Variants in MAP3K13 observed in about 807,000 individuals in gnomAD.
The protein encoded by MAP3K13 is leucine zipper-bearing kinase.
Under a neutral mutation model 104.0 loss-of-function variants are expected in MAP3K13, and 52 were observed. The ratio of observed to expected loss-of-function variants is 0.50; its 90% confidence interval spans 0.40 to 0.63. MAP3K13 has a LOEUF of 0.63. Ranked by LOEUF, MAP3K13 falls within the 20% of genes least tolerant of loss-of-function variation. MAP3K13 has a pLI of 0.00. For synonymous variants in MAP3K13, 394 were observed against 442.2 expected (o/e 0.89, Z 1.37); for missense variants, 914 against 1,218.5 (o/e 0.75, Z 3.72).
intron 1 of MAP3K13, among the ~76,000 whole-genome samples, chr3:185,385,848 C>T (rs1395856375): frequency 6.6e-6 from 1 of 151,986 alleles, no homozygotes; most frequent in Non-Finnish European, 1.5e-5. Flanking sequence ...ACTAGAAATA[C>T]AGAAATTAGC....
intron 2 of MAP3K13, among the ~76,000 whole-genome samples, chr3:185,295,236 T>G (rs916025362): frequency 1.3e-5 from 2 of 152,148 alleles, no homozygotes; most frequent in Admixed American, 1.3e-4. Flanking sequence ...GACGGAGTTT[T>G]GCTCTGTCGC....
chr3:185,330,314 C>T (rs565961583), intron 2 of MAP3K13, among the ~76,000 whole-genome samples: 1 of 152,054 alleles, frequency 6.6e-6, no homozygotes, highest in African/African-American at 2.4e-5. Flanking sequence ...GTCTGTTTCT[C>T]TATCCTGCTT....
chr3:185,435,455 T>C (rs1714980902), intron 2 of MAP3K13, among the ~76,000 whole-genome samples: 1 of 152,244 alleles, frequency 6.6e-6, no homozygotes, highest in Non-Finnish European at 1.5e-5. Context: ...ATACTTGTCC[T>C]CTATAGAAAC....
chr3:185,480,651 T>A, intron 13 of MAP3K13, 122 bp downstream of exon 13: 1 of 1,019,564 alleles, frequency 9.8e-7, no homozygotes, highest in Non-Finnish European at 1.4e-6. Context: ...TGTATTAGTC[T>A]GTTTTCACAC....
intron 8 of MAP3K13, among the ~76,000 whole-genome samples, chr3:185,464,392 C>T (rs964073227): frequency 7.9e-5 from 12 of 152,162 alleles, no homozygotes; most frequent in Non-Finnish European, 8.8e-5. Context: ...CCATAATCCC[C>T]ATGTGTCAAG....
At chr3:185,368,426 C>T (rs1723993886) in intron 1 of MAP3K13, among the ~76,000 whole-genome samples, 1 of 152,118 alleles carries the variant, frequency 6.6e-6, no homozygotes, top group Admixed American at 6.5e-5. Context: ...TGTAGCACTG[C>T]TCTGGAATGG....
intron 2 of MAP3K13, among the ~76,000 whole-genome samples, chr3:185,321,899 C>T (rs561186595): frequency 5.3e-5 from 8 of 152,338 alleles, no homozygotes; most frequent in African/African-American, 1.7e-4. Context: ...CCACCACGCC[C>T]GGCCGTGACT....
intron 10 of MAP3K13, among the ~76,000 whole-genome samples, chr3:185,468,508 T>A (rs1560129487): frequency 6.6e-6 from 1 of 152,184 alleles, no homozygotes; most frequent in African/African-American, 2.4e-5. Context: ...GTTGGCTCTC[T>A]CCTAGCTAAG....
chr3:185,468,475 G>A (rs1717587791), intron 10 of MAP3K13, among the ~76,000 whole-genome samples: 1 of 152,080 alleles, frequency 6.6e-6, no homozygotes, highest in South Asian at 2.1e-4. Flanking sequence ...ACTCTGTAGA[G>A]ACTCATTCCT....
Position 185,455,911 on chromosome 3 carries a change from G to T in MAP3K13, c.1278+4516G>T, listed in dbSNP as rs988690202. The stretch of plus-strand genomic sequence containing the variant: ...ATATAGATGAGATATATATGATATA[G>T]ATGAGATATATATGATGTATATATG... On this transcript the variant is annotated intron_variant, in intron 7 of 13. Coordinates refer to ENST00000265026, the MANE Select transcript of MAP3K13 (RefSeq NM_004721.5). Among the ~76,000 whole-genome samples, 152 of 133,314 alleles carry T rather than the reference G, an allele frequency of 1.1e-3. 1 individual carries two copies. Among genetic ancestry groups the T allele is most frequent in the Middle Eastern group, 4.0e-3 (1 of 248 alleles). The allele number at this position is 133,314 out of a possible 152,430, so 87.5% of individuals were successfully genotyped here. A position where few individuals can be genotyped will look rare whatever the true frequency, so the allele number is the denominator to read the frequency against.
chr3:185,416,459 T>C (rs1713776553), intron 1 of MAP3K13, among the ~76,000 whole-genome samples: 1 of 151,930 alleles, frequency 6.6e-6, no homozygotes, highest in African/African-American at 2.4e-5. Flanking sequence ...CTACTAATTA[T>C]AGATGACAAA....
At chr3:185,283,417 T>C (rs986607690) in intron 1 of MAP3K13, among the ~76,000 whole-genome samples, 1 of 152,140 alleles carries the variant, frequency 6.6e-6, no homozygotes, top group Non-Finnish European at 1.5e-5. Flanking sequence ...ACTTTTTGTC[T>C]CTTAACTCGT....
chr3:185,328,637 A>G (rs1219527928), intron 2 of MAP3K13: 2 of 152,288 alleles, frequency 1.3e-5, no homozygotes, highest in Non-Finnish European at 2.9e-5. Context: ...CATATGGGAA[A>G]GAAATCCCCT....
Position 185,477,215 on chromosome 3 carries a change from T to A in MAP3K13, c.2431-111T>A, listed in dbSNP as rs1718181342. 2.0e-5 allele frequency: 15 copies of A among 750,706 alleles called. No individual in the cohort carries two copies. In the East Asian group the frequency reaches 2.9e-4, roughly 15 times the overall value. 46.5% of individuals were successfully genotyped at this position (750,706 alleles called of 1,614,324 possible). On this transcript the variant is annotated intron_variant, in intron 11 of 13. Transcript: ENST00000265026. ...AAGATGACATTCAGCAAGCTACTAC[T>A]AAATGAATGACTTTTGATGATAATT...
Position 185,354,376 on chromosome 3 carries a change from T to G in MAP3K13, c.-86+68733T>G, listed in dbSNP as rs923447417. ...CCAAGTGCCTAGGGAAGCAAATGCCTGGGGAGTGTACGCATTGCCCCCGTT... is the reference window on the plus strand; with the variant it reads ...CCAAGTGCCTAGGGAAGCAAATGCCGGGGGAGTGTACGCATTGCCCCCGTT... On this transcript the variant is annotated intron_variant, in intron 2 of 14. Coordinates refer to the MAP3K13 transcript ENST00000424227. Among the ~76,000 whole-genome samples the G allele has an allele frequency of 5.4e-5, 8 of 148,780 alleles. No individual in the cohort carries two copies. In the East Asian group the frequency reaches 1.7e-3, roughly 32 times the overall value.
intron 1 of MAP3K13, among the ~76,000 whole-genome samples, chr3:185,366,336 ATCAGTTGATAGATATTTGGGC>A (rs748376327): frequency 3.9e-5 from 6 of 152,082 alleles, no homozygotes; most frequent in Admixed American, 6.5e-5. Context: ...TTATCCATTC[ATCAGTTGATAGATATTTGGGC>A]TTCCGCTTTT....
chr3:185,457,038 T>A (rs919719115), intron 7 of MAP3K13, among the ~76,000 whole-genome samples: 3 of 152,228 alleles, frequency 2.0e-5, no homozygotes, highest in Admixed American at 2.0e-4. Context: ...TCTGAACAGA[T>A]GTTACTTAAG....
chr3:185,466,695 C>A, intron 9 of MAP3K13, 131 bp from the exon 10 acceptor site: 3 of 1,111,644 alleles, frequency 2.7e-6, no homozygotes, highest in Non-Finnish European at 3.9e-6. Flanking sequence ...GTTTTTTAAA[C>A]CTGAATAGCA....
Position 185,486,378 on chromosome 3 carries a change from T to C in MAP3K13, c.*3922T>C, listed in dbSNP as rs1265452991. 2 of 152,218 alleles carry C rather than the reference T, an allele frequency of 1.3e-5. No homozygotes were observed. The highest frequency in any genetic ancestry group is 4.8e-5 in the African/African-American group (2 of 41,446). 9.4% of individuals were successfully genotyped at this position (152,218 alleles called of 1,614,324 possible). ...ACACATTTTTTTAAGTAGAATTGAC[T>C]AGAGGTTTCAGAGGAGAATAAGGTC... On this transcript the variant is annotated 3_prime_UTR_variant, in exon 14 of 14. Coordinates refer to ENST00000265026, the MANE Select transcript of MAP3K13 (RefSeq NM_004721.5).
Sources: allele counts gnomAD v4.1 joint callset (sites outside exome capture counted in the v4.1 genomes callset), GRCh38; gene constraint gnomAD v4.1.1; transcripts MANE v1.5; gene names NCBI Gene and HGNC (gene_info 2026-07-23, HGNC 2026-07-21).